The following FRAS1 variants were observed in gnomAD, a reference collection of about 807,000 sequenced individuals.
The protein encoded by FRAS1 is extracellular matrix organizing protein FRAS1.
FRAS1 carries 290 observed loss-of-function variants against 435.2 expected under a neutral mutation model. The observed-to-expected ratio is 0.67, with a 90% CI of 0.61 to 0.73. The LOEUF is 0.73. Ranked by LOEUF, FRAS1 falls within the 30% of genes least tolerant of loss-of-function variation. The probability of loss-of-function intolerance (pLI) is 0.00; values close to 1 mark genes in which losing one functional copy is unlikely to be tolerated. For missense variants in FRAS1, 4,860 were observed against 5,001.5 expected, an observed-to-expected ratio of 0.97 and a Z score of 0.85; for synonymous variants, 1,800 against 1,851.0, an observed-to-expected ratio of 0.97 and a Z score of 0.71.
chr4:78,203,549 CTATTT>C (rs1181618591), intron 2 of FRAS1, among the ~76,000 whole-genome samples: 2,899 of 151,884 alleles, frequency 0.019, 98 homozygotes, highest in African/African-American at 0.066. Flanking sequence ...CTCTCTCTCT[CTATTT>C]TATTTTATTT....
intron 25 of FRAS1, 69 bp from the exon 26 acceptor site, chr4:78,375,670 A>C: frequency 7.2e-7 from 1 of 1,390,266 alleles, no homozygotes; most frequent in East Asian, 2.5e-5. Context: ...TTCTGGTTGC[A>C]AGCCCTTTAT....
chr4:78,374,575 T>G (rs527522465), intron 25 of FRAS1, among the ~76,000 whole-genome samples: 1 of 152,340 alleles, frequency 6.6e-6, no homozygotes, highest in South Asian at 2.1e-4. Flanking sequence ...GCCCTGTTGA[T>G]ATAGACATAG....
At chr4:78,115,134 T>C (rs1230273876) in intron 2 of FRAS1, among the ~76,000 whole-genome samples, 2 of 151,560 alleles carry the variant, frequency 1.3e-5, no homozygotes, top group East Asian at 3.9e-4. Context: ...ATTACGTTTA[T>C]TGATTTTTGT....
At chr4:78,176,293 G>A (rs1247502856) in intron 2 of FRAS1, among the ~76,000 whole-genome samples, 2 of 152,144 alleles carry the variant, frequency 1.3e-5, no homozygotes, top group African/African-American at 4.8e-5. Context: ...CATCCCATTT[G>A]TTCTCCTACT....
At chr4:78,516,079 T>C in intron 66 of FRAS1, 66 bp downstream of exon 66, 1 of 1,288,148 alleles carries the variant, frequency 7.8e-7, no homozygotes, top group Non-Finnish European at 1.1e-6. Flanking sequence ...TGTTTGTTCC[T>C]GAAGCACTTC....
In FRAS1 at chr4:78,072,580, G is replaced by A. The variant is rs182572660; in HGVS notation, c.108+6564G>A. 1.8e-4 allele frequency among the ~76,000 whole-genome samples: 27 copies of A among 152,174 alleles called. 1 individual carries two copies. Among genetic ancestry groups the A allele is most frequent in the Admixed American group, 1.1e-3 (17 of 15,266 alleles). ...GGTGTCCTGAGGATGCACTCAGCGG[G>A]GAAGCAATACAATCAGCCATTCCTT... On this transcript the variant is annotated intron_variant, in intron 2 of 73. Transcript: ENST00000512123.
Position 78,066,002 on chromosome 4 carries a change from G to T in FRAS1, c.94G>T (p.Asp32Tyr), listed in dbSNP as rs1553915520. The change falls in exon 2 of 74, where the codon GAT becomes TAT. Residue 32 changes from aspartate to tyrosine, a missense_variant. Transcript: ENST00000512123. Reference sequence around the variant, plus strand: ...CCCCACAGGTGCTTGTGTCTATCAGGATTCCTTGTTGGCGGTAGGTCATTC... The same window carrying T: ...CCCCACAGGTGCTTGTGTCTATCAGTATTCCTTGTTGGCGGTAGGTCATTC... ...HHSEGACVYQ[D>Y]SLLADATIWK... 6.2e-7 allele frequency: 1 copy of T among 1,607,992 alleles called. No homozygotes were observed. The highest frequency in any genetic ancestry group is 8.5e-7 in the Non-Finnish European group (1 of 1,175,284).
chr4:78,330,530 C>T (rs1429451946), intron 18 of FRAS1, among the ~76,000 whole-genome samples: 9 of 152,204 alleles, frequency 5.9e-5, no homozygotes, highest in South Asian at 2.1e-4. Flanking sequence ...GGAGAAATAT[C>T]GCTGAATTCT....
At chr4:78,189,628 G>A (rs773704351) in intron 2 of FRAS1, among the ~76,000 whole-genome samples, 1 of 152,164 alleles carries the variant, frequency 6.6e-6, no homozygotes, top group African/African-American at 2.4e-5. Flanking sequence ...CTCTTTCCAA[G>A]TGTTCTCATT....
At chr4:78,231,637 T>C (rs771957348) in intron 2 of FRAS1, among the ~76,000 whole-genome samples, 19 of 152,126 alleles carry the variant, frequency 1.2e-4, no homozygotes, top group Non-Finnish European at 2.1e-4. Context: ...AAAATTTATG[T>C]TGACAGTTGA....
intron 60 of FRAS1, among the ~76,000 whole-genome samples, chr4:78,498,485 A>G (rs1243529075): frequency 6.7e-6 from 1 of 148,320 alleles, no homozygotes; most frequent in African/African-American, 2.5e-5. Context: ...TAGCTTGGGC[A>G]ACAAGAACAA....
Position 78,432,546 on chromosome 4 carries a change from G to C in FRAS1, c.5159G>C (p.Ser1720Thr), listed in dbSNP as rs754545757. The change falls in exon 38 of 74, where the codon AGC becomes ACC. Residue 1720 changes from serine to threonine, a missense_variant. Ser to Thr is a moderately conservative substitution (Grantham distance 58, BLOSUM62 1). Transcript: ENST00000512123. ...CGACTGGCTGCTGGCTCCTCTCTGA[G>C]CATTACTGTTGCCAGTAAAAGCACA... ...GPRLAAGSSLSITVASKSTAI... is the reference protein window; with the variant it reads ...GPRLAAGSSLTITVASKSTAI... 3.1e-6 allele frequency: 5 copies of C among 1,612,026 alleles called. No homozygotes were observed. Among genetic ancestry groups the C allele is most frequent in the Non-Finnish European group, 4.2e-6 (5 of 1,178,932 alleles).
rs116132300 is a variant in FRAS1 at position 78,521,309 on chromosome 4, G to A, written c.10541-214G>A. On this transcript the variant is annotated intron_variant, in intron 67 of 73. Coordinates refer to ENST00000512123, the MANE Select transcript of FRAS1 (RefSeq NM_025074.7). The stretch of plus-strand genomic sequence containing the variant: ...GTTTGAAAAGTCTATGTCAAGAACA[G>A]TGGAACCATTACAAAAAAAAAAAGA... 4.4e-3 allele frequency among the ~76,000 whole-genome samples: 662 copies of A among 151,892 alleles called. 6 individuals carry two copies. The highest frequency in any genetic ancestry group is 0.015 in the African/African-American group (618 of 41,420).
chr4:78,521,254 C>T (rs1311851522), intron 67 of FRAS1, among the ~76,000 whole-genome samples: 6 of 151,868 alleles, frequency 4.0e-5, no homozygotes, highest in African/African-American at 1.5e-4. Flanking sequence ...TTTTGCTGAA[C>T]CCTGCATCTG....
At chr4:78,513,679 C>T (rs1721111296) in intron 65 of FRAS1, 127 bp downstream of exon 65, 1 of 819,404 alleles carries the variant, frequency 1.2e-6, no homozygotes, top group Non-Finnish European at 2.0e-6. Flanking sequence ...TAGTGGTTTT[C>T]CTTCTAGCAC....
rs758196882 is a variant in FRAS1, at chr4:78,317,348, C to A, written c.1820-20C>A. The A allele has an allele frequency of 3.7e-6, 6 of 1,613,496 alleles. No homozygotes were observed. In the Admixed American group the frequency reaches 1.0e-4, roughly 27 times the overall value. On this transcript the variant is annotated intron_variant, in intron 16 of 73. Coordinates refer to ENST00000512123, the MANE Select transcript of FRAS1 (RefSeq NM_025074.7). ...TTCACCCATGTCCCATGGCGTTCTC[C>A]CTCTCACTCTCTTCCTCAGTTTGTC...
intron 29 of FRAS1, among the ~76,000 whole-genome samples, chr4:78,395,585 T>G (rs1426384454): frequency 6.6e-6 from 1 of 152,106 alleles, no homozygotes; most frequent in African/African-American, 2.4e-5. Context: ...ATCTGCTAGA[T>G]GGATTAACCT....
Position 78,400,854 on chromosome 4 carries a change from A to G in FRAS1, c.4096A>G (p.Ile1366Val). Residue 1366 changes from isoleucine to valine, a missense_variant, in exon 30 of 74, where the codon ATC becomes GTC. By Grantham distance (29) the Ile-to-Val change is conservative. Coordinates refer to ENST00000512123, the MANE Select transcript of FRAS1 (RefSeq NM_025074.7). ...EAPGASAEEIIYKITQDYPQF... is the reference protein window; with the variant it reads ...EAPGASAEEIVYKITQDYPQF... ...TCCTGGTGCCAGTGCTGAAGAAATC[A>G]TCTACAAGATTACACAAGACTACCC... 1.9e-6 allele frequency: 3 copies of G among 1,613,818 alleles called. No individual in the cohort carries two copies. Among genetic ancestry groups the G allele is most frequent in the Non-Finnish European group, 2.5e-6 (3 of 1,179,814 alleles).
chr4:78,404,496 C>T (rs1454297910), intron 30 of FRAS1, among the ~76,000 whole-genome samples: 1 of 152,026 alleles, frequency 6.6e-6, no homozygotes, highest in African/African-American at 2.4e-5. Flanking sequence ...CACTCATGGA[C>T]TTGTCACAAA....
Sources: gnomAD v4.1 joint callset for allele counts (sites outside exome capture counted in the v4.1 genomes callset) on GRCh38, gnomAD v4.1.1 for gene constraint, MANE v1.5 for transcripts, NCBI Gene and HGNC (gene_info 2026-07-23, HGNC 2026-07-21) for gene names.